The following CCDC85C variants were observed in gnomAD, a reference collection of about 807,000 sequenced individuals.
The protein encoded by CCDC85C is coiled-coil domain containing 85C.
CCDC85C carries 18 observed loss-of-function variants against 38.3 expected under a neutral mutation model. The observed-to-expected ratio is 0.47, with a 90% CI of 0.33 to 0.70. The LOEUF is 0.70. Among genes scored for constraint, CCDC85C ranks in the 30% least tolerant of loss-of-function variants. CCDC85C has a pLI of 0.03. For synonymous variants in CCDC85C, 264 were observed against 293.8 expected (o/e 0.90, Z 1.04); for missense variants, 566 against 621.2 (o/e 0.91, Z 0.94).
intron 2 of CCDC85C, among the ~76,000 whole-genome samples, chr14:99,534,366 A>T (rs1034464532): frequency 2.0e-5 from 3 of 152,040 alleles, no homozygotes; most frequent in African/African-American, 7.2e-5. Flanking sequence ...CAAAAAAAAA[A>T]AAAGAAAGAA....
intron 1 of CCDC85C, among the ~76,000 whole-genome samples, chr14:99,582,314 C>T (rs971029526): frequency 3.3e-5 from 5 of 152,136 alleles, no homozygotes; most frequent in African/African-American, 1.2e-4. Flanking sequence ...ACAGCCACTT[C>T]GCATGAGGTG....
At chr14:99,567,718 G>A (rs1898243691) in intron 1 of CCDC85C, among the ~76,000 whole-genome samples, 2 of 152,202 alleles carry the variant, frequency 1.3e-5, no homozygotes, top group Admixed American at 1.3e-4. Context: ...CCAGCTACTT[G>A]GGAGGCTGAG....
Position 99,536,080 on chromosome 14 carries a change from A to C in CCDC85C, c.802T>G (p.Ser268Ala), listed in dbSNP as rs768996216. 3.7e-5 allele frequency: 57 copies of C among 1,550,630 alleles called. No individual in the cohort carries two copies. In the South Asian group the frequency reaches 5.8e-4, roughly 16 times the overall value. The change falls in exon 2 of 6, where the codon TCC (serine) becomes GCC (alanine). Residue 268 changes from serine to alanine, a missense_variant. Ser to Ala is a moderately conservative substitution (Grantham distance 99, BLOSUM62 1). Coordinates refer to ENST00000380243, the MANE Select transcript of CCDC85C (RefSeq NM_001144995.2). ...CTCTCCAGTTGCCTGATGTAGGTGG[A>C]TGAGGGATCTGGAAGGACACAAGAG... ...SIPNGLHDPS[S>A]TYIRQLESKV...
rs754187800 is a variant in CCDC85C, at chr14:99,515,344, AG to A, written c.1171-10del. The A allele has an allele frequency of 1.1e-4, 174 of 1,548,280 alleles. No homozygotes were observed. The highest frequency in any genetic ancestry group is 1.4e-4 in the Non-Finnish European group (164 of 1,145,102). On this transcript the variant is annotated splice_polypyrimidine_tract_variant and intron_variant, in intron 5 of 5. Transcript: ENST00000380243. ...AGCTTTCTCCAGACCACCTGTGGAGAGGAGAGAGATGTGAGTGGTGGGACTC... is the reference window on the plus strand; with the variant it reads ...AGCTTTCTCCAGACCACCTGTGGAGAGAGAGAGATGTGAGTGGTGGGACTC...
chr14:99,553,879 G>A (rs932760293), intron 1 of CCDC85C, among the ~76,000 whole-genome samples: 3 of 152,158 alleles, frequency 2.0e-5, no homozygotes, highest in African/African-American at 7.2e-5. Context: ...TGCTGGGGAC[G>A]GTCCCTTCTC....
chr14:99,557,864 A>C (rs1898041923), intron 1 of CCDC85C, among the ~76,000 whole-genome samples: 2 of 152,196 alleles, frequency 1.3e-5, no homozygotes, highest in Non-Finnish European at 2.9e-5. Context: ...GCAGTGATCC[A>C]AGGTCGCGCC....
rs1897180817 is a variant in CCDC85C, at chr14:99,514,009, G to C, written c.*1237C>G. On this transcript the variant is annotated 3_prime_UTR_variant, in exon 6 of 6. Transcript: ENST00000380243. ...GCCTTATGCTGCCCATTTTACTACT[G>C]AGGACACGGGCTCAGAGTGGGGAGG... 1.3e-5 allele frequency: 2 copies of C among 152,248 alleles called. No homozygotes were observed. The highest frequency in any genetic ancestry group is 2.9e-5 in the Non-Finnish European group (2 of 68,068). The allele number at this position is 152,248 out of a possible 1,614,324, so 9.4% of individuals were successfully genotyped here. A position where few individuals can be genotyped will look rare whatever the true frequency, so the allele number is the denominator to read the frequency against.
rs1896889758 is a variant in CCDC85C, at chr14:99,503,373, C to CA, written c.*11872dup. ...TGAAACTTAGTGTTTACTCAGAACT[C>CA]ACCATTCAGGAAAGCTAGTCATTCT... On this transcript the variant is annotated 3_prime_UTR_variant, in exon 6 of 6. Transcript: ENST00000380243. 5.0e-6 allele frequency: 3 copies of CA among 602,550 alleles called. No individual in the cohort carries two copies. The highest frequency in any genetic ancestry group is 8.9e-6 in the Non-Finnish European group (3 of 338,460). 37.3% of individuals were successfully genotyped at this position (602,550 alleles called of 1,614,324 possible). A position where few individuals can be genotyped will look rare whatever the true frequency, so the allele number is the denominator to read the frequency against.
chr14:99,589,187 G>A (rs115888654), intron 1 of CCDC85C, among the ~76,000 whole-genome samples: 10,337 of 151,354 alleles, frequency 0.068, 569 homozygotes, highest in East Asian at 0.2. Context: ...AGCAGGCAGC[G>A]GGGAGCACAC....
rs921497453 is a variant in CCDC85C at position 99,533,213 on chromosome 14, AC to A, written c.867+2801del. On this transcript the variant is annotated intron_variant, in intron 2 of 5. Transcript: ENST00000380243. This position sits in a 1 kb window ranked among gnomAD's most constrained non-coding sequence, Gnocchi z 4.2. ...ACCGGGGCCAAGGCCCCAGCAGCAT[AC>A]GGCTGCCTCCTTTCAGGGTACTGGG... 2.0e-5 allele frequency among the ~76,000 whole-genome samples: 3 copies of A among 152,304 alleles called. No individual in the cohort carries two copies. Among genetic ancestry groups the A allele is most frequent in the Admixed American group, 2.0e-4 (3 of 15,304 alleles).
chr14:99,516,598 C>T lies in CCDC85C; in HGVS notation c.1072-312G>A, dbSNP rs1016428507. 6.6e-6 allele frequency among the ~76,000 whole-genome samples: 1 copy of T among 152,052 alleles called. No individual in the cohort carries two copies. Among genetic ancestry groups the T allele is most frequent in the Non-Finnish European group, 1.5e-5 (1 of 67,996 alleles). On this transcript the variant is annotated intron_variant, in intron 4 of 5. Transcript: ENST00000380243. This position sits in a 1 kb window ranked among gnomAD's most constrained non-coding sequence, Gnocchi z 5.5. ...GGCCCGCTGGAGATGAGTGGGCACT[C>T]GCCACGTGGAGGGGGTGTGAGTAGG... is the stretch of plus-strand genomic sequence containing the variant.
chr14:99,547,926 C>T (rs187618653), intron 1 of CCDC85C, among the ~76,000 whole-genome samples: 40 of 151,916 alleles, frequency 2.6e-4, no homozygotes, highest in Non-Finnish European at 4.9e-4. Context: ...ACACATATAG[C>T]ATACTTTTAG....
chr14:99,603,191 G>T lies in CCDC85C; in HGVS notation c.769C>A (p.Arg257Ser), dbSNP rs2055224169. The T allele has an allele frequency of 2.8e-6, 4 of 1,419,792 alleles. No individual in the cohort carries two copies. Among genetic ancestry groups the T allele is most frequent in the East Asian group, 6.0e-5 (2 of 33,124 alleles). 87.9% of individuals were successfully genotyped at this position (1,419,792 alleles called of 1,614,324 possible). A position where few individuals can be genotyped will look rare whatever the true frequency, so the allele number is the denominator to read the frequency against. ...CCGTGCAGGCCGTTGGGGATGCTGC[G>T]GTGGTGCGGCGGCGCCGACAAGTCG... Reference protein sequence around the residue: ...LDDLSAPPHHRSIPNGLHDPS... With the variant: ...LDDLSAPPHHSSIPNGLHDPS... Residue 257 changes from arginine (R) to serine (S), a missense_variant, in exon 1 of 6, where the codon CGC (arginine) becomes AGC (serine). Physicochemically the swap from Arg to Ser is moderately radical, Grantham distance 110. Around this residue, in one of 3 missense-constraint regions of CCDC85C, gnomAD observed 286 missense variants for 276.4 expected, o/e 1.03. Coordinates refer to ENST00000380243, the MANE Select transcript of CCDC85C (RefSeq NM_001144995.2). This position sits in a 1 kb window ranked among gnomAD's most constrained non-coding sequence, Gnocchi z 7.5.
At chr14:99,526,845 C>T (rs958121917) in intron 2 of CCDC85C, among the ~76,000 whole-genome samples, 1 of 152,208 alleles carries the variant, frequency 6.6e-6, no homozygotes, top group Non-Finnish European at 1.5e-5. Flanking sequence ...GAAGCAGAGG[C>T]TCGAATGCGT....
intron 3 of CCDC85C, among the ~76,000 whole-genome samples, chr14:99,517,624 G>A (rs1239140585): frequency 6.6e-6 from 1 of 152,172 alleles, no homozygotes; most frequent in East Asian, 1.9e-4. Flanking sequence ...GGAGCCACCG[G>A]TGGGCGAGGC....
rs188485709 is a variant in CCDC85C, at chr14:99,512,132, T to G, written c.*3114A>C. On this transcript the variant is annotated 3_prime_UTR_variant, in exon 6 of 6. Coordinates refer to ENST00000380243, the MANE Select transcript of CCDC85C (RefSeq NM_001144995.2). ...TACTAAAATAGTTCAAATCAATGTT[T>G]TTACCACACTATCAAAAAGTTCTAT... 1 of 152,228 alleles carries G rather than the reference T, an allele frequency of 6.6e-6. No individual in the cohort carries two copies. The highest frequency in any genetic ancestry group is 6.5e-5 in the Admixed American group (1 of 15,280). The allele number at this position is 152,228 out of a possible 1,614,324, so 9.4% of individuals were successfully genotyped here. A position where few individuals can be genotyped will look rare whatever the true frequency, so the allele number is the denominator to read the frequency against.
chr14:99,519,798 C>T (rs1160947343), intron 3 of CCDC85C, among the ~76,000 whole-genome samples: 1 of 152,240 alleles, frequency 6.6e-6, no homozygotes, highest in African/African-American at 2.4e-5. Flanking sequence ...AAGCCTGACA[C>T]AAAAGGCCAC....
intron 1 of CCDC85C, among the ~76,000 whole-genome samples, chr14:99,562,476 A>G (rs1333945944): frequency 1.3e-5 from 2 of 152,232 alleles, no homozygotes; most frequent in East Asian, 3.8e-4. Flanking sequence ...CTCACTGTAC[A>G]GGCACAAAAA....
intron 1 of CCDC85C, among the ~76,000 whole-genome samples, chr14:99,594,043 A>C (rs2055117824): frequency 6.7e-6 from 1 of 149,522 alleles, no homozygotes; most frequent in Non-Finnish European, 1.5e-5. Context: ...GGGGGCGGGG[A>C]GTAACTTATT....
Sources: allele counts gnomAD v4.1 joint callset (sites outside exome capture counted in the v4.1 genomes callset), GRCh38; gene constraint gnomAD v4.1.1; regional missense constraint gnomAD v4.1.1; non-coding constraint Gnocchi (gnomAD v3.1); transcripts MANE v1.5; gene names NCBI Gene and HGNC (gene_info 2026-07-23, HGNC 2026-07-21).